ADGRL3: variants seen among roughly 807,000 people sequenced by gnomAD.
ADGRL3 encodes the protein calcium-independent alpha-latrotoxin receptor 3.
Under a neutral mutation model 153.5 loss-of-function variants are expected in ADGRL3, and 62 were observed. The ratio of observed to expected loss-of-function variants is 0.40; its 90% CI spans 0.33 to 0.50. The LOEUF (loss-of-function observed/expected upper bound fraction) is 0.50, where lower values mean the gene tolerates loss of function less well. Ranked by LOEUF, ADGRL3 falls within the 20% of genes least tolerant of loss-of-function variation. ADGRL3 has a pLI of 0.47. For missense variants in ADGRL3, 1,641 were observed against 1,859.4 expected, an observed-to-expected ratio of 0.88 and a Z score of 2.16; for synonymous variants, 710 against 672.5, an observed-to-expected ratio of 1.06 and a Z score of -0.86.
chr4:61,468,270 A>T (rs141599520), intron 2 of ADGRL3, among the ~76,000 whole-genome samples: 2 of 152,160 alleles, frequency 1.3e-5, no homozygotes, highest in African/African-American at 4.8e-5. Flanking sequence ...TAAAACCATG[A>T]CTATGCTTTA....
chr4:62,048,603 T>G (rs578142287), intron 25 of ADGRL3, among the ~76,000 whole-genome samples: 45 of 151,928 alleles, frequency 3.0e-4, no homozygotes, highest in Non-Finnish European at 5.0e-4. Context: ...GTCACCCTGT[T>G]TGGAGTGCAA....
At chr4:61,946,852 T>C in intron 15 of ADGRL3, 62 bp from the exon 16 acceptor site, 1 of 1,206,364 alleles carries the variant, frequency 8.3e-7, no homozygotes, top group African/African-American at 1.6e-5. Context: ...ATTTTCTATC[T>C]CATTAGTACT....
At chr4:61,228,417 G>A (rs1054988231) in intron 1 of ADGRL3, among the ~76,000 whole-genome samples, 2 of 152,104 alleles carry the variant, frequency 1.3e-5, no homozygotes, top group Non-Finnish European at 2.9e-5. Flanking sequence ...TGGATATAGA[G>A]TCAAGTTCCA....
intron 6 of ADGRL3, among the ~76,000 whole-genome samples, chr4:61,729,848 A>G (rs995021771): frequency 2.2e-4 from 34 of 152,028 alleles, no homozygotes; most frequent in African/African-American, 7.7e-4. Flanking sequence ...TAAACATAAC[A>G]TGTTTGAGGA....
rs913142262 is a variant in ADGRL3 at position 62,070,647 on chromosome 4, G to A, written c.4371G>A (p.Pro1457=). 1.7e-5 allele frequency: 27 copies of A among 1,551,472 alleles called. No homozygotes were observed. In the East Asian group the frequency reaches 5.6e-4, roughly 32 times the overall value. Residue 1457 remains proline, a synonymous_variant, in exon 27 of 27, where the codon CCG becomes CCA. Transcript: ENST00000683033. The part of the protein sequence containing the change: ...PHRDSLYTSM[P]TLAGVAATES... ...GAGACTCTCTCTATACCAGCATGCC[G>A]ACACTGGCTGGTGTGGCCGCCACAG...
chr4:61,638,078 C>T (rs891289638), intron 5 of ADGRL3, among the ~76,000 whole-genome samples: 6 of 152,238 alleles, frequency 3.9e-5, no homozygotes, highest in African/African-American at 1.4e-4. Flanking sequence ...TCCACAAAAA[C>T]ACTTGTATAA....
intron 2 of ADGRL3, among the ~76,000 whole-genome samples, chr4:61,436,913 G>T (rs1418162770): frequency 6.6e-6 from 1 of 151,882 alleles, no homozygotes. Context: ...GTCTAAGCTG[G>T]AGATAAACAT....
At chr4:61,577,968 A>G (rs2098899922) in intron 4 of ADGRL3, among the ~76,000 whole-genome samples, 2 of 152,100 alleles carry the variant, frequency 1.3e-5, no homozygotes. Context: ...GAATTCTTAA[A>G]ATTATATTAT....
At chr4:61,798,708 C>T (rs893406110) in intron 8 of ADGRL3, among the ~76,000 whole-genome samples, 2 of 151,692 alleles carry the variant, frequency 1.3e-5, no homozygotes, top group Non-Finnish European at 2.9e-5. Flanking sequence ...ACCTCCGCCT[C>T]CTGGGTTCCA....
chr4:61,955,661 C>T (rs192987595), intron 17 of ADGRL3, among the ~76,000 whole-genome samples: 8 of 152,130 alleles, frequency 5.3e-5, no homozygotes, highest in Non-Finnish European at 1.0e-4. Flanking sequence ...TACCTATTGA[C>T]CTGTCATCTA....
At chr4:61,662,118 C>A (rs2094613414) in intron 5 of ADGRL3, among the ~76,000 whole-genome samples, 1 of 152,180 alleles carries the variant, frequency 6.6e-6, no homozygotes, top group African/African-American at 2.4e-5. Context: ...GAGCCGGGAA[C>A]AGACGGAAGT....
At chr4:61,476,905 C>T (rs1046393940) in intron 2 of ADGRL3, among the ~76,000 whole-genome samples, 3 of 151,562 alleles carry the variant, frequency 2.0e-5, no homozygotes, top group African/African-American at 7.3e-5. Context: ...CTTTTCTATG[C>T]TATCCCCTCC....
intron 1 of ADGRL3, among the ~76,000 whole-genome samples, chr4:61,352,776 A>T (rs2096075592): frequency 6.6e-6 from 1 of 152,196 alleles, no homozygotes; most frequent in Non-Finnish European, 1.5e-5. Flanking sequence ...TCTGGAACCT[A>T]ACCTGCAGTA....
chr4:61,693,397 G>A (rs1172536841), intron 6 of ADGRL3, among the ~76,000 whole-genome samples: 2 of 151,332 alleles, frequency 1.3e-5, no homozygotes, highest in South Asian at 2.1e-4. Context: ...CAAAGATACA[G>A]CATGCCAGAA....
At chr4:61,341,569 A>C (rs1413036800) in intron 1 of ADGRL3, among the ~76,000 whole-genome samples, 1 of 151,688 alleles carries the variant, frequency 6.6e-6, no homozygotes, top group African/African-American at 2.4e-5. Context: ...CATGTAATGC[A>C]TAAGATATTC....
At chr4:61,276,162 G>A (rs529179697) in intron 1 of ADGRL3, among the ~76,000 whole-genome samples, 2 of 152,188 alleles carry the variant, frequency 1.3e-5, no homozygotes, top group East Asian at 3.9e-4. Flanking sequence ...CTGCTGGGGA[G>A]AAAGGAATAT....
intron 8 of ADGRL3, among the ~76,000 whole-genome samples, chr4:61,758,870 G>C (rs1402400677): frequency 6.6e-6 from 1 of 152,144 alleles, no homozygotes; most frequent in African/African-American, 2.4e-5. Flanking sequence ...TGTAGGGCAG[G>C]CCTGGTGGTG....
rs2099203540 is a variant in ADGRL3 at position 62,014,735 on chromosome 4, CTG to C, written c.3396-14118_3396-14117del. Among the ~76,000 whole-genome samples, 4 of 152,246 alleles carry C rather than the reference CTG, an allele frequency of 2.6e-5. No homozygotes were observed. In the South Asian group the frequency reaches 8.3e-4, roughly 32 times the overall value. On this transcript the variant is annotated intron_variant, in intron 21 of 26. Coordinates refer to ENST00000683033, the MANE Select transcript of ADGRL3 (RefSeq NM_001387552.1). Reference sequence around the variant, plus strand: ...TTTTACCACTGTTCGTAAAAGGAGTCTGTAAAATGCTCTATCATTGAAGTTAC... The same window carrying C: ...TTTTACCACTGTTCGTAAAAGGAGTCTAAAATGCTCTATCATTGAAGTTAC...
intron 3 of ADGRL3, among the ~76,000 whole-genome samples, chr4:61,509,567 C>T (rs979568199): frequency 6.6e-6 from 1 of 151,928 alleles, no homozygotes; most frequent in Non-Finnish European, 1.5e-5. Flanking sequence ...CTGGAAAGGA[C>T]CTGATTTCAT....
Sources: allele counts gnomAD v4.1 joint callset (sites outside exome capture counted in the v4.1 genomes callset), GRCh38; gene constraint gnomAD v4.1.1; transcripts MANE v1.5; gene names NCBI Gene and HGNC (gene_info 2026-07-23, HGNC 2026-07-21).